Variants in GGH observed in about 807,000 individuals in gnomAD.
The protein encoded by GGH is gamma-glutamyl hydrolase, also known as gamma-Glu-X carboxypeptidase.
In GGH, 18 loss-of-function variants were observed where a neutral mutation model predicts 39.2. The observed-to-expected ratio is 0.46, with a 90% CI of 0.32 to 0.68. The LOEUF (loss-of-function observed/expected upper bound fraction) is 0.68. GGH is among the 30% of genes least tolerant of loss of function. The probability of loss-of-function intolerance (pLI) is 0.04; values close to 1 mark genes in which losing one functional copy is unlikely to be tolerated. For synonymous variants in GGH, 147 were observed against 138.8 expected (o/e 1.06, Z -0.42); for missense variants, 367 against 384.1 (o/e 0.96, Z 0.37).
At chr8:63,029,363 T>C (rs532831954) in intron 3 of GGH, among the ~76,000 whole-genome samples, 3 of 152,296 alleles carry the variant, frequency 2.0e-5, no homozygotes, top group South Asian at 2.1e-4. Flanking sequence ...CATCTACAGA[T>C]AGCCGCATTT....
chr8:63,029,493 GTC>G (rs1216687596), intron 3 of GGH, among the ~76,000 whole-genome samples: 2 of 152,096 alleles, frequency 1.3e-5, no homozygotes, highest in Non-Finnish European at 2.9e-5. Context: ...ATAGATTTGA[GTC>G]TAAGTCTTCA....
rs1226840449 is a variant in GGH at position 63,038,789 on chromosome 8, G to A, written c.-21C>T. The A allele has an allele frequency of 1.4e-6, 2 of 1,447,020 alleles. No individual in the cohort carries two copies. Among genetic ancestry groups the A allele is most frequent in the Non-Finnish European group, 1.9e-6 (2 of 1,080,154 alleles). The allele number at this position is 1,447,020 out of a possible 1,614,324, so 89.6% of individuals were successfully genotyped here. The stretch of plus-strand genomic sequence containing the variant: ...GCCATGGCGCTCGCCGCCTCCCGCC[G>A]CCTTTCAAAAGCTCTGCGGGCGGGC... On this transcript the variant is annotated 5_prime_UTR_variant, in exon 1 of 9. Coordinates refer to ENST00000260118, the MANE Select transcript of GGH (RefSeq NM_003878.3).
chr8:63,026,670 T>C (rs72658367), intron 4 of GGH, among the ~76,000 whole-genome samples: 18,967 of 152,102 alleles, frequency 0.12, 1,388 homozygotes, highest in East Asian at 0.34. Context: ...CTGTTAATAG[T>C]TGAGGAGAGA....
chr8:63,033,242 T>C (rs938488046), intron 2 of GGH, among the ~76,000 whole-genome samples: 3 of 152,252 alleles, frequency 2.0e-5, no homozygotes, highest in African/African-American at 7.2e-5. Context: ...CACATCATAA[T>C]TGCCCAAGAC....
chr8:63,015,953 A>G (rs182422128), intron 8 of GGH, among the ~76,000 whole-genome samples: 3 of 152,348 alleles, frequency 2.0e-5, no homozygotes, highest in Admixed American at 6.5e-5. Context: ...TTTTTATGGT[A>G]TATGGTGTAT....
rs1178391879 is a variant in GGH, at chr8:63,024,060, T to C, written c.606+20A>G. The C allele has an allele frequency of 6.5e-7, 1 of 1,548,518 alleles. No homozygotes were observed. The highest frequency in any genetic ancestry group is 2.2e-5 in the East Asian group (1 of 44,470). ...AGTTATTCTAAACATATTAATTTCATTGTGTAATTAGTGTGATACCTTCAC... is the reference window on the plus strand; with the variant it reads ...AGTTATTCTAAACATATTAATTTCACTGTGTAATTAGTGTGATACCTTCAC... On this transcript the variant is annotated intron_variant, in intron 6 of 8. Coordinates refer to ENST00000260118, the MANE Select transcript of GGH (RefSeq NM_003878.3).
At chr8:63,030,662 T>A (rs1804786216) in intron 2 of GGH, among the ~76,000 whole-genome samples, 1 of 152,140 alleles carries the variant, frequency 6.6e-6, no homozygotes, top group Non-Finnish European at 1.5e-5. Flanking sequence ...AAATGCCAAG[T>A]CGCTGCCTGA....
At chr8:63,027,040 G>A in intron 4 of GGH, 141 bp downstream of exon 4, 3 of 667,588 alleles carry the variant, frequency 4.5e-6, no homozygotes, top group Non-Finnish European at 8.0e-6. Context: ...GAGCAGCCAA[G>A]AACAGGCACC....
intron 3 of GGH, among the ~76,000 whole-genome samples, chr8:63,027,985 G>C (rs758806832): frequency 1.3e-5 from 2 of 151,948 alleles, no homozygotes; most frequent in Non-Finnish European, 2.9e-5. Context: ...GGTCTTGAAA[G>C]AACCAAGGAT....
intron 3 of GGH, among the ~76,000 whole-genome samples, chr8:63,029,621 G>C (rs1804765389): frequency 6.6e-6 from 1 of 152,044 alleles, no homozygotes; most frequent in Non-Finnish European, 1.5e-5. Context: ...AAGACTACCT[G>C]ATTTACATTC....
intron 3 of GGH, among the ~76,000 whole-genome samples, chr8:63,029,279 C>T (rs145961393): frequency 1.3e-5 from 2 of 152,250 alleles, no homozygotes; most frequent in East Asian, 3.9e-4. Flanking sequence ...GTATGCTATA[C>T]ACACCATCAC....
chr8:63,026,985 T>C (rs903048403), intron 4 of GGH, 196 bp downstream of exon 4: 3 of 587,828 alleles, frequency 5.1e-6, no homozygotes, highest in Admixed American at 6.5e-5. Context: ...CTCTGAAGGG[T>C]CTCTGGAAGC....
chr8:63,028,523 G>C (rs1232538773), intron 3 of GGH: 1 of 151,908 alleles, frequency 6.6e-6, no homozygotes, highest in African/African-American at 2.4e-5. Context: ...AAATACTATG[G>C]GGTCCACTGC....
In GGH at chr8:63,035,638, A is replaced by C. The variant is rs768615242; in HGVS notation, c.224+18T>G. On this transcript the variant is annotated intron_variant, in intron 2 of 8. Transcript: ENST00000260118. The stretch of plus-strand genomic sequence containing the variant: ...TTTTTATACAGAGTAAAAAAAAAAA[A>C]AAAACACTGAATCATACCTTACTGG... 5.7e-6 allele frequency: 9 copies of C among 1,581,112 alleles called. No homozygotes were observed. Among genetic ancestry groups the C allele is most frequent in the Admixed American group, 2.0e-5 (1 of 50,450 alleles).
At position 63,036,950 on chromosome 8, in the gene GGH, C is replaced by T. The variant is rs11985462; in HGVS notation, c.110-1180G>A. On this transcript the variant is annotated intron_variant, in intron 1 of 8. Transcript: ENST00000260118. ...TGCTCTGCCCCACCCATCTCTCTGG[C>T]CTCCTTTTACCAGTGAAACCCAGCC... Among the ~76,000 whole-genome samples the T allele has an allele frequency of 1.5e-3, 234 of 152,264 alleles. 1 individual carries two copies. The highest frequency in any genetic ancestry group is 5.6e-3 in the African/African-American group (231 of 41,562).
intron 7 of GGH, among the ~76,000 whole-genome samples, chr8:63,022,678 CTTT>C (rs34415067): frequency 1.4e-5 from 2 of 143,538 alleles, no homozygotes; most frequent in African/African-American, 2.5e-5. Context: ...CCATGCCCAG[CTTT>C]TTTTTTTTTT....
At chr8:63,030,615 C>T (rs890093513) in intron 2 of GGH, among the ~76,000 whole-genome samples, 1 of 152,174 alleles carries the variant, frequency 6.6e-6, no homozygotes, top group South Asian at 2.1e-4. Context: ...GCCTATTTAA[C>T]TACAGGAAGC....
intron 2 of GGH, among the ~76,000 whole-genome samples, chr8:63,031,345 G>C (rs773759924): frequency 6.6e-6 from 1 of 152,218 alleles, no homozygotes; most frequent in Non-Finnish European, 1.5e-5. Context: ...TACCAGAATG[G>C]TGCTTACCAT....
Position 63,015,210 on chromosome 8 carries a change from C to G in GGH, c.*122G>C, listed in dbSNP as rs1221856280. ...AATAGTCACATACAGAATGAAGAATCAGAGCCAGGCACATTATAGAAAAGA... is the reference window on the plus strand; with the variant it reads ...AATAGTCACATACAGAATGAAGAATGAGAGCCAGGCACATTATAGAAAAGA... On this transcript the variant is annotated 3_prime_UTR_variant, in exon 9 of 9. Coordinates refer to ENST00000260118, the MANE Select transcript of GGH (RefSeq NM_003878.3). 1 of 530,828 alleles carries G rather than the reference C, an allele frequency of 1.9e-6. No homozygotes were observed. The highest frequency in any genetic ancestry group is 3.1e-5 in the East Asian group (1 of 32,070). The allele number at this position is 530,828 out of a possible 1,614,324, so 32.9% of individuals were successfully genotyped here.
Sources: gnomAD v4.1 joint callset for allele counts (sites outside exome capture counted in the v4.1 genomes callset) on GRCh38, gnomAD v4.1.1 for gene constraint, MANE v1.5 for transcripts, NCBI Gene and HGNC (gene_info 2026-07-23, HGNC 2026-07-21) for gene names.